The following VPS8 variants were observed in gnomAD, a reference collection of about 807,000 sequenced individuals.
The protein encoded by VPS8 is vacuolar protein sorting-associated protein 8 homolog.
In VPS8, 129 loss-of-function variants were observed where a neutral mutation model predicts 216.4. The observed-to-expected ratio is 0.60, with a 90% CI of 0.52 to 0.69. VPS8 has a LOEUF of 0.69. Ranked by LOEUF, VPS8 falls within the 30% of genes least tolerant of loss-of-function variation. The pLI, the probability that VPS8 is intolerant of heterozygous loss-of-function variation, is 0.00. For missense variants in VPS8, 1,531 were observed against 1,683.5 expected (o/e 0.91, Z 1.59); for synonymous variants, 571 against 565.4 (o/e 1.01, Z -0.14).
chr3:184,956,475 G>A (rs1745622117), intron 36 of VPS8, among the ~76,000 whole-genome samples: 1 of 152,214 alleles, frequency 6.6e-6, no homozygotes, highest in South Asian at 2.1e-4. Context: ...AGTTTTCCAA[G>A]CAATCATTGT....
At chr3:185,026,215 T>TA (rs1332407113) in intron 46 of VPS8, among the ~76,000 whole-genome samples, 1 of 151,976 alleles carries the variant, frequency 6.6e-6, no homozygotes, top group Non-Finnish European at 1.5e-5. Flanking sequence ...GATACAACAA[T>TA]AAAAAACAGT....
chr3:185,014,387 G>T (rs1305743561), intron 45 of VPS8, among the ~76,000 whole-genome samples: 2 of 152,152 alleles, frequency 1.3e-5, no homozygotes, highest in Non-Finnish European at 2.9e-5. Flanking sequence ...TCCTCCCAGA[G>T]TCTCTTCCTC....
At chr3:184,834,564 C>T (rs1002006099) in intron 4 of VPS8, 85 bp from the exon 5 acceptor site, 6 of 994,594 alleles carry the variant, frequency 6.0e-6, no homozygotes, top group Admixed American at 2.8e-5. Flanking sequence ...GCTTTTTGTG[C>T]GTGTGTGTTT....
intron 35 of VPS8, 102 bp downstream of exon 35, chr3:184,936,437 A>G (rs931797645): frequency 1.8e-6 from 2 of 1,110,580 alleles, no homozygotes; most frequent in Non-Finnish European, 1.3e-6. Context: ...TTCAGTTGAC[A>G]TTTATTAGCA....
intron 45 of VPS8, among the ~76,000 whole-genome samples, chr3:185,016,842 CT>C (rs1472078811): frequency 1.3e-5 from 2 of 152,258 alleles, no homozygotes; most frequent in East Asian, 3.9e-4. Flanking sequence ...TCCAGTTTCT[CT>C]TTCTTAGCGG....
chr3:184,815,890 G>A (rs920856664), intron 1 of VPS8: 4 of 150,496 alleles, frequency 2.7e-5, no homozygotes, highest in African/African-American at 9.8e-5. Context: ...AAGAGAAATT[G>A]AGATGACAGT....
chr3:184,834,202 G>C (rs886461898), intron 4 of VPS8, among the ~76,000 whole-genome samples: 1 of 152,178 alleles, frequency 6.6e-6, no homozygotes, highest in Admixed American at 6.5e-5. Context: ...TGCTCTGTAG[G>C]CAGCCTTCTG....
intron 8 of VPS8, among the ~76,000 whole-genome samples, chr3:184,843,731 G>T (rs1458619100): frequency 6.6e-6 from 1 of 152,108 alleles, no homozygotes; most frequent in Non-Finnish European, 1.5e-5. Context: ...TGACAGTTTT[G>T]TATAGAAACT....
chr3:184,916,899 C>T (rs1355570288), intron 28 of VPS8, among the ~76,000 whole-genome samples: 1 of 152,152 alleles, frequency 6.6e-6, no homozygotes, highest in Non-Finnish European at 1.5e-5. Flanking sequence ...TATAGTAAGG[C>T]TTCAAAACAG....
chr3:184,829,184 T>TA (rs1340551158), intron 3 of VPS8, among the ~76,000 whole-genome samples: 1 of 152,190 alleles, frequency 6.6e-6, no homozygotes, highest in Non-Finnish European at 1.5e-5. Flanking sequence ...TGTACATACT[T>TA]ACACACATTT....
chr3:184,874,304 G>C (rs1343478886), intron 21 of VPS8, among the ~76,000 whole-genome samples: 3 of 152,096 alleles, frequency 2.0e-5, no homozygotes, highest in African/African-American at 7.2e-5. Flanking sequence ...GAATAGATTA[G>C]TAAATAGTAA....
intron 25 of VPS8, among the ~76,000 whole-genome samples, chr3:184,904,901 C>T (rs1189931311): frequency 1.3e-5 from 2 of 152,114 alleles, no homozygotes; most frequent in Non-Finnish European, 2.9e-5. Flanking sequence ...AACAGAATAC[C>T]TAAGACTGGG....
chr3:184,942,999 T>A (rs1743018483), intron 36 of VPS8, among the ~76,000 whole-genome samples: 1 of 152,158 alleles, frequency 6.6e-6, no homozygotes, highest in African/African-American at 2.4e-5. Flanking sequence ...AGTTTTGATT[T>A]GTTTAAGGTC....
chr3:184,883,026 G>T (rs959218144), intron 21 of VPS8, among the ~76,000 whole-genome samples: 2 of 152,066 alleles, frequency 1.3e-5, no homozygotes, highest in South Asian at 2.1e-4. Context: ...ATTGCTAAAC[G>T]CAATAAATAT....
intron 31 of VPS8, 67 bp downstream of exon 31, chr3:184,926,717 T>G: frequency 1.3e-6 from 2 of 1,489,376 alleles, no homozygotes; most frequent in Non-Finnish European, 1.8e-6. Context: ...AGAATTCTTC[T>G]GTGCTAGACC....
At chr3:184,929,448 C>G (rs1322630858) in intron 32 of VPS8, 132 bp from the exon 33 acceptor site, 2 of 606,104 alleles carry the variant, frequency 3.3e-6, no homozygotes, top group African/African-American at 2.0e-5. Flanking sequence ...CCTCAGCCTC[C>G]CAAAGTGCTT....
chr3:184,896,200 G>C (rs1013018921), intron 23 of VPS8, among the ~76,000 whole-genome samples: 1 of 151,898 alleles, frequency 6.6e-6, no homozygotes, highest in African/African-American at 2.4e-5. Context: ...GGCTAATTTG[G>C]CATAGTCTTC....
At chr3:184,901,227 T>C (rs1377141337) in intron 25 of VPS8, 4 of 405,022 alleles carry the variant, frequency 9.9e-6, no homozygotes, top group African/African-American at 8.3e-5. Context: ...GTCACTATAC[T>C]TCATGTAAAT....
Position 184,920,136 on chromosome 3 carries a change from G to A in VPS8, c.2392G>A (p.Asp798Asn). Residue 798 changes from aspartate (D) to asparagine (N), a missense_variant, in exon 29 of 48, where the codon GAT becomes AAT. Physicochemically the swap from Asp to Asn is conservative, Grantham distance 23 (BLOSUM62 1). Coordinates refer to ENST00000625842, the MANE Select transcript of VPS8 (RefSeq NM_001009921.3). Reference protein sequence around the residue: ...FLNVLALTFEDFKNDKQAVEY... With the variant: ...FLNVLALTFENFKNDKQAVEY... ...TATTTCTCCCTTTTAGACTTTTGAA[G>A]ATTTTAAAAATGACAAGCAAGCTGT... The A allele has an allele frequency of 6.6e-7, 1 of 1,521,714 alleles. No individual in the cohort carries two copies. The highest frequency in any genetic ancestry group is 8.8e-7 in the Non-Finnish European group (1 of 1,136,658). The allele number at this position is 1,521,714 out of a possible 1,614,324, so 94.3% of individuals were successfully genotyped here.
Sources: gnomAD v4.1 joint callset for allele counts (sites outside exome capture counted in the v4.1 genomes callset) on GRCh38, gnomAD v4.1.1 for gene constraint, MANE v1.5 for transcripts, NCBI Gene and HGNC (gene_info 2026-07-23, HGNC 2026-07-21) for gene names.